Variants in RICTOR observed in about 807,000 individuals in gnomAD.
RICTOR encodes rapamycin-insensitive companion of mTOR.
A neutral mutation model predicts 214.9 loss-of-function variants in RICTOR; 49 were observed. The ratio of observed to expected loss-of-function variants is 0.23; its 90% CI spans 0.18 to 0.29. The LOEUF is 0.29. Ranked by LOEUF, RICTOR falls within the 10% of genes least tolerant of loss-of-function variation. The pLI, the probability that RICTOR is intolerant of heterozygous loss-of-function variation, is 1.00. For missense variants in RICTOR, 1,625 were observed against 2,047.0 expected (o/e 0.79, Z 3.98); for synonymous variants, 717 against 711.3 (o/e 1.01, Z -0.13).
chr5:38,947,539 G>A, intron 31 of RICTOR, 98 bp from the exon 32 acceptor site: 1 of 847,136 alleles, frequency 1.2e-6, no homozygotes, highest in South Asian at 1.7e-5. Context: ...TAAAAGACAA[G>A]TAGCTAGTCA....
At position 39,074,330 on chromosome 5, in the gene RICTOR, T is replaced by G; in HGVS notation, c.48A>C (p.Arg16=). The change falls in exon 1 of 38, where the codon CGA becomes CGC. Residue 16 remains arginine (R), a splice_region_variant and synonymous_variant. Coordinates refer to ENST00000357387, the MANE Select transcript of RICTOR (RefSeq NM_152756.5). Reference sequence around the variant, plus strand: ...GAGTGAGGGTTGCAGCGGGCTTACCTCGTACTCGGAGGTTCTTCAGAGAGC... The same window carrying G: ...GAGTGAGGGTTGCAGCGGGCTTACCGCGTACTCGGAGGTTCTTCAGAGAGC... ...RGRSLKNLRV[R]GRNDSGEENV... The G allele has an allele frequency of 1.7e-5, 26 of 1,542,636 alleles. No homozygotes were observed. Among genetic ancestry groups the G allele is most frequent in the Non-Finnish European group, 2.2e-5 (25 of 1,143,730 alleles).
intron 2 of RICTOR, among the ~76,000 whole-genome samples, chr5:39,072,504 GTTTA>G (rs1305007083): frequency 1.3e-5 from 2 of 152,146 alleles, no homozygotes; most frequent in Non-Finnish European, 2.9e-5. Flanking sequence ...TTAAACTCAA[GTTTA>G]TTAAGGGCTC....
intron 9 of RICTOR, among the ~76,000 whole-genome samples, chr5:38,977,125 C>A (rs1271189858): frequency 6.6e-6 from 1 of 152,190 alleles, no homozygotes; most frequent in Non-Finnish European, 1.5e-5. Flanking sequence ...AGACCATGTG[C>A]TGAGGAATGT....
chr5:39,016,646 A>G (rs1241424465), intron 3 of RICTOR, among the ~76,000 whole-genome samples: 2 of 152,018 alleles, frequency 1.3e-5, no homozygotes, highest in Non-Finnish European at 2.9e-5. Context: ...GAAGAATGAG[A>G]AGGGAGAATA....
chr5:39,021,663 C>CA (rs1196246799), intron 2 of RICTOR, among the ~76,000 whole-genome samples: 1 of 152,106 alleles, frequency 6.6e-6, no homozygotes, highest in African/African-American at 2.4e-5. Flanking sequence ...CTTGACCTTC[C>CA]AGCATGGGAT....
At position 38,942,182 on chromosome 5, in the gene RICTOR, G is replaced by C. The variant is rs1301490273; in HGVS notation, c.*122C>G. ...AACTGTTCATGTACCAGTAACTGCG[G>C]AACAGTGTACAGAAGATACTCCTGT... On this transcript the variant is annotated 3_prime_UTR_variant, in exon 38 of 38. Coordinates refer to ENST00000357387, the MANE Select transcript of RICTOR (RefSeq NM_152756.5). The C allele has an allele frequency of 2.3e-5, 12 of 520,368 alleles. No homozygotes were observed. Among genetic ancestry groups the C allele is most frequent in the Non-Finnish European group, 3.8e-5 (11 of 287,764 alleles). The allele number at this position is 520,368 out of a possible 1,614,324, so 32.2% of individuals were successfully genotyped here. A position where few individuals can be genotyped will look rare whatever the true frequency, so the allele number is the denominator to read the frequency against.
chr5:39,024,649 C>T (rs548280464), intron 2 of RICTOR, among the ~76,000 whole-genome samples: 2 of 152,266 alleles, frequency 1.3e-5, no homozygotes, highest in Middle Eastern at 3.4e-3. Flanking sequence ...CATTTTACTT[C>T]AGTTTATCAT....
At chr5:38,961,811 A>T (rs1030555617) in intron 19 of RICTOR, among the ~76,000 whole-genome samples, 1 of 152,126 alleles carries the variant, frequency 6.6e-6, no homozygotes, top group African/African-American at 2.4e-5. Flanking sequence ...ATAGCTGGTT[A>T]GTCTAAACTC....
intron 2 of RICTOR, among the ~76,000 whole-genome samples, chr5:39,030,059 T>A (rs991191656): frequency 3.9e-5 from 6 of 152,282 alleles, no homozygotes; most frequent in Non-Finnish European, 8.8e-5. Flanking sequence ...ATGTTAATGA[T>A]CACATTAGAT....
intron 6 of RICTOR, among the ~76,000 whole-genome samples, chr5:38,994,800 T>C (rs1331714038): frequency 6.6e-6 from 1 of 152,202 alleles, no homozygotes; most frequent in Non-Finnish European, 1.5e-5. Context: ...TACTAAAATA[T>C]CCAAAATTGA....
intron 5 of RICTOR, among the ~76,000 whole-genome samples, chr5:39,001,588 T>C (rs552847679): frequency 6.6e-6 from 1 of 152,192 alleles, no homozygotes; most frequent in African/African-American, 2.4e-5. Flanking sequence ...ATTAAAAGAA[T>C]GAAGAGGCAA....
chr5:39,058,731 T>C (rs1025123435), intron 2 of RICTOR, among the ~76,000 whole-genome samples: 1 of 152,134 alleles, frequency 6.6e-6, no homozygotes, highest in African/African-American at 2.4e-5. Context: ...AGGATGTTTA[T>C]CATCTTCCCT....
chr5:38,952,161 T>C, intron 30 of RICTOR, 35 bp downstream of exon 30: 1 of 1,206,720 alleles, frequency 8.3e-7, no homozygotes, highest in Non-Finnish European at 1.2e-6. Flanking sequence ...ATGTTAACAT[T>C]GGCTAACTTT....
chr5:39,057,815 A>G lies in RICTOR; in HGVS notation c.97+16296T>C, dbSNP rs191644123. On this transcript the variant is annotated intron_variant, in intron 2 of 37. Transcript: ENST00000357387. ...AAATTCCCAACTCACTGTTTTCCAC[A>G]CTTCCAAAGAGTGTATGTATAAAAA... 3.3e-3 allele frequency among the ~76,000 whole-genome samples: 507 copies of G among 152,222 alleles called. 3 individuals carry two copies. Among genetic ancestry groups the G allele is most frequent in the African/African-American group, 0.012 (481 of 41,558 alleles).
intron 15 of RICTOR, among the ~76,000 whole-genome samples, chr5:38,966,020 T>G (rs1375076569): frequency 1.3e-5 from 2 of 152,132 alleles, no homozygotes; most frequent in Non-Finnish European, 2.9e-5. Context: ...ATTGATTGAT[T>G]TGCTGACAGT....
intron 9 of RICTOR, 32 bp downstream of exon 9, chr5:38,978,551 C>G (rs2150054657): frequency 8.6e-7 from 1 of 1,167,892 alleles, no homozygotes; most frequent in South Asian, 1.3e-5. Flanking sequence ...TATACATTAT[C>G]TTAAAAATTA....
At chr5:39,049,876 G>GT in intron 2 of RICTOR, among the ~76,000 whole-genome samples, 1 of 152,162 alleles carries the variant, frequency 6.6e-6, no homozygotes, top group East Asian at 1.9e-4. Flanking sequence ...ACATAAAAAA[G>GT]TTTAACAACC....
At chr5:39,004,312 T>C (rs1420188128) in intron 3 of RICTOR, among the ~76,000 whole-genome samples, 1 of 152,142 alleles carries the variant, frequency 6.6e-6, no homozygotes. Context: ...ACATTGAAGT[T>C]TGAAGAATAT....
intron 3 of RICTOR, among the ~76,000 whole-genome samples, chr5:39,017,399 C>T (rs946176401): frequency 2.0e-5 from 3 of 151,990 alleles, no homozygotes; most frequent in Admixed American, 6.6e-5. Flanking sequence ...ATGTTGCGGT[C>T]TTAAAGATTT....
Sources: gnomAD v4.1 joint callset for allele counts (sites outside exome capture counted in the v4.1 genomes callset) on GRCh38, gnomAD v4.1.1 for gene constraint, MANE v1.5 for transcripts, NCBI Gene and HGNC (gene_info 2026-07-23, HGNC 2026-07-21) for gene names.